NUTF2: variants seen among roughly 807,000 people sequenced by gnomAD.
NUTF2 encodes nuclear transport factor 2, also known as placental protein 15.
Under a neutral mutation model 18.5 loss-of-function variants are expected in NUTF2, and 3 were observed. The observed-to-expected ratio is 0.16, with a 90% confidence interval of 0.07 to 0.42. The LOEUF (loss-of-function observed/expected upper bound fraction) is 0.42, where lower values mean the gene tolerates loss of function less well. Ranked by LOEUF, NUTF2 falls within the 10% of genes least tolerant of loss-of-function variation. The probability of loss-of-function intolerance (pLI) is 0.99; values close to 1 mark genes in which losing one functional copy is unlikely to be tolerated. For missense variants in NUTF2, 44 were observed against 160.7 expected (o/e 0.27, Z 3.93); for synonymous variants, 51 against 57.9 (o/e 0.88, Z 0.54).
intron 4 of NUTF2, among the ~76,000 whole-genome samples, chr16:67,869,678 G>A (rs564738166): frequency 2.6e-5 from 4 of 152,008 alleles, no homozygotes; most frequent in East Asian, 3.9e-4. Flanking sequence ...CCATCTACAC[G>A]GGAGGCTGCG....
chr16:67,847,682 C>G (rs1412838270), intron 1 of NUTF2: 1 of 152,352 alleles, frequency 6.6e-6, no homozygotes. Context: ...CCTGTCTTGT[C>G]TTAGAGGATC....
At chr16:67,849,051 C>G (rs2057831666) in intron 1 of NUTF2, among the ~76,000 whole-genome samples, 1 of 152,322 alleles carries the variant, frequency 6.6e-6, no homozygotes, top group East Asian at 1.9e-4. Context: ...TTTTACCAAG[C>G]CCTGCCTTCT....
Position 67,871,416 on chromosome 16 carries a change from T to C in NUTF2, c.*503T>C, listed in dbSNP as rs1352102727. The C allele has an allele frequency of 6.5e-6, 1 of 152,702 alleles. No homozygotes were observed. The highest frequency in any genetic ancestry group is 1.5e-5 in the Non-Finnish European group (1 of 68,374). 9.5% of individuals were successfully genotyped at this position (152,702 alleles called of 1,614,324 possible). ...TTCACCCTCCCACTTCTGCCCCAAC[T>C]CTGAATACCTGTTGCAGGGAGAAAC... On this transcript the variant is annotated 3_prime_UTR_variant, in exon 5 of 5. Coordinates refer to ENST00000219169, the MANE Select transcript of NUTF2 (RefSeq NM_005796.3).
chr16:67,862,732 G>A (rs1358989772), intron 1 of NUTF2, among the ~76,000 whole-genome samples: 4 of 152,188 alleles, frequency 2.6e-5, no homozygotes, highest in Non-Finnish European at 5.9e-5. Context: ...CTCCTTGGGA[G>A]GTTGAAGTGG....
chr16:67,848,428 C>G (rs2057824797), intron 1 of NUTF2, among the ~76,000 whole-genome samples: 1 of 152,146 alleles, frequency 6.6e-6, no homozygotes, highest in African/African-American at 2.4e-5. Flanking sequence ...ACTAAAAATA[C>G]AAAAATTAGC....
intron 2 of NUTF2, among the ~76,000 whole-genome samples, chr16:67,867,975 C>T (rs758387090): frequency 6.6e-5 from 10 of 152,186 alleles, no homozygotes; most frequent in African/African-American, 2.4e-4. Flanking sequence ...CGTGAGCCAC[C>T]GTGCCTGGCC....
Position 67,852,285 on chromosome 16 carries a change from CTA to C in NUTF2, c.-30+5301_-30+5302del, listed in dbSNP as rs140513132. 1.1e-3 allele frequency among the ~76,000 whole-genome samples: 168 copies of C among 151,956 alleles called. 1 individual carries two copies. The highest frequency in any genetic ancestry group is 4.1e-3 in the African/African-American group (168 of 41,458). On this transcript the variant is annotated intron_variant, in intron 1 of 4. Transcript: ENST00000219169. ...CACTGCACTGTAGCCTGGGGACACT[CTA>C]GCAAGACCCTGTCTCCAAAAAAAAG... is the stretch of plus-strand genomic sequence containing the variant.
chr16:67,868,882 T>C (rs2057992829), intron 4 of NUTF2: 1 of 299,464 alleles, frequency 3.3e-6, no homozygotes, highest in Non-Finnish European at 6.5e-6. Context: ...TCTAGAGCCT[T>C]TATCTGGAAA....
At chr16:67,850,455 C>T (rs1001372725) in intron 1 of NUTF2, among the ~76,000 whole-genome samples, 5 of 152,188 alleles carry the variant, frequency 3.3e-5, no homozygotes, top group Admixed American at 6.5e-5. Context: ...ATCCACCCGC[C>T]TTGGCCTCCC....
At chr16:67,867,436 C>T (rs1472547157) in intron 2 of NUTF2, among the ~76,000 whole-genome samples, 1 of 152,154 alleles carries the variant, frequency 6.6e-6, no homozygotes, top group Non-Finnish European at 1.5e-5. Flanking sequence ...TAGTAAGCAG[C>T]AGAAGCCCTT....
chr16:67,868,760 G>A lies in NUTF2; in HGVS notation c.270+161G>A, dbSNP rs753174972. The A allele has an allele frequency of 3.3e-5, 20 of 602,632 alleles. 1 individual carries two copies. Among genetic ancestry groups the A allele is most frequent in the Non-Finnish European group, 4.6e-5 (16 of 345,584 alleles). The allele number at this position is 602,632 out of a possible 1,614,324, so 37.3% of individuals were successfully genotyped here. A position where few individuals can be genotyped will look rare whatever the true frequency, so the allele number is the denominator to read the frequency against. Reference sequence around the variant, plus strand: ...TATGCTAGCCATTAGCCACATGTAGGTGGCAATTTTTAAGTTATATTAATT... The same window carrying A: ...TATGCTAGCCATTAGCCACATGTAGATGGCAATTTTTAAGTTATATTAATT... On this transcript the variant is annotated intron_variant, in intron 4 of 4. Coordinates refer to ENST00000219169, the MANE Select transcript of NUTF2 (RefSeq NM_005796.3).
chr16:67,870,705 C>T, intron 4 of NUTF2, 95 bp from the exon 5 acceptor site: 1 of 939,596 alleles, frequency 1.1e-6, no homozygotes, highest in Non-Finnish European at 1.8e-6. Context: ...AGGGCCTGAT[C>T]CTAAAGTCAA....
chr16:67,865,070 A>G, intron 1 of NUTF2, 32 bp from the exon 2 acceptor site: 4 of 1,163,254 alleles, frequency 3.4e-6, no homozygotes, highest in East Asian at 2.4e-5. Flanking sequence ...CATGGTACCA[A>G]TGCTTCCCTC....
At chr16:67,851,736 C>T (rs573084244) in intron 1 of NUTF2, among the ~76,000 whole-genome samples, 1 of 152,172 alleles carries the variant, frequency 6.6e-6, no homozygotes, top group South Asian at 2.1e-4. Flanking sequence ...CAGAACAAGT[C>T]TGGGCGCAGT....
chr16:67,865,364 G>T (rs1344799578), intron 2 of NUTF2, 135 bp downstream of exon 2: 1 of 618,314 alleles, frequency 1.6e-6, no homozygotes, highest in South Asian at 2.0e-5. Flanking sequence ...TTGTCCACGG[G>T]ACAGGGGTCT....
In NUTF2 at chr16:67,871,485, G is replaced by C. The variant is rs2058012848; in HGVS notation, c.*572G>C. 6.6e-6 allele frequency: 1 copy of C among 152,480 alleles called. No individual in the cohort carries two copies. The highest frequency in any genetic ancestry group is 6.5e-5 in the Admixed American group (1 of 15,278). The allele number at this position is 152,480 out of a possible 1,614,324, so 9.4% of individuals were successfully genotyped here. A position where few individuals can be genotyped will look rare whatever the true frequency, so the allele number is the denominator to read the frequency against. ...AGCTAGCCTCTCAGAAGCCGTGTAG[G>C]GCAGTTCTCTCCCACTCCACAGGGC... On this transcript the variant is annotated 3_prime_UTR_variant, in exon 5 of 5. Transcript: ENST00000219169.
At chr16:67,856,019 A>G (rs993018777) in intron 1 of NUTF2, 12 of 1,017,712 alleles carry the variant, frequency 1.2e-5, no homozygotes, top group Non-Finnish European at 1.8e-5. Context: ...GTTGAAGCGT[A>G]CTGTCTTGCT....
chr16:67,867,804 C>T (rs985316135), intron 2 of NUTF2, among the ~76,000 whole-genome samples: 1 of 152,214 alleles, frequency 6.6e-6, no homozygotes, highest in African/African-American at 2.4e-5. Flanking sequence ...TCTCCTGCCT[C>T]AGCCTCCTAA....
At chr16:67,851,486 C>T (rs1054121440) in intron 1 of NUTF2, among the ~76,000 whole-genome samples, 1 of 151,632 alleles carries the variant, frequency 6.6e-6, no homozygotes, top group Non-Finnish European at 1.5e-5. Context: ...TCTCAAAAAA[C>T]AAGGGAGACC....
Sources: allele counts gnomAD v4.1 joint callset (sites outside exome capture counted in the v4.1 genomes callset), GRCh38; gene constraint gnomAD v4.1.1; transcripts MANE v1.5; gene names NCBI Gene and HGNC (gene_info 2026-07-23, HGNC 2026-07-21).